Variants in GABRG1 observed in about 807,000 individuals in gnomAD.
GABRG1 encodes the protein gamma-aminobutyric acid receptor subunit gamma-1.
A neutral mutation model predicts 49.8 loss-of-function variants in GABRG1; 49 were observed. The ratio of observed to expected loss-of-function variants is 0.98; its 90% CI spans 0.78 to 1.25. The LOEUF (loss-of-function observed/expected upper bound fraction) is 1.25. Among genes scored for constraint, GABRG1 ranks in the 50% most tolerant of loss-of-function variants. GABRG1 has a pLI of 0.00. For synonymous variants in GABRG1, 232 were observed against 185.1 expected (o/e 1.25, Z -2.06); for missense variants, 552 against 552.3 (o/e 1.00, Z 0.01).
At chr4:46,073,874 A>G (rs1341713779) in intron 3 of GABRG1, among the ~76,000 whole-genome samples, 1 of 152,152 alleles carries the variant, frequency 6.6e-6, no homozygotes, top group Non-Finnish European at 1.5e-5. Context: ...TTTTCAAAAT[A>G]TCTTACTGTA....
At chr4:46,053,139 C>CT (rs1001500302) in intron 7 of GABRG1, among the ~76,000 whole-genome samples, 55 of 151,086 alleles carry the variant, frequency 3.6e-4, no homozygotes, top group African/African-American at 1.2e-3. Flanking sequence ...AATTATTTGT[C>CT]TTTTTTTTAA....
intron 8 of GABRG1, among the ~76,000 whole-genome samples, chr4:46,050,959 A>G (rs909804237): frequency 6.6e-6 from 1 of 151,926 alleles, no homozygotes; most frequent in Non-Finnish European, 1.5e-5. Context: ...ATATAAGTTA[A>G]GGTAATTATA....
chr4:46,075,877 C>A (rs1431055971), intron 3 of GABRG1, among the ~76,000 whole-genome samples: 1 of 151,890 alleles, frequency 6.6e-6, no homozygotes, highest in African/African-American at 2.4e-5. Context: ...ACAAATATTT[C>A]CATTTATAAG....
chr4:46,099,284 G>A (rs1468255322), intron 1 of GABRG1, among the ~76,000 whole-genome samples: 2 of 151,644 alleles, frequency 1.3e-5, no homozygotes, highest in African/African-American at 4.8e-5. Context: ...TCACTACCAA[G>A]CAGTGGGTTT....
intron 2 of GABRG1, among the ~76,000 whole-genome samples, chr4:46,089,585 A>G (rs1719906788): frequency 6.6e-6 from 1 of 152,116 alleles, no homozygotes. Context: ...TAATCTGGAT[A>G]TTAAATTTTT....
chr4:46,077,554 A>G (rs1286908862), intron 3 of GABRG1, among the ~76,000 whole-genome samples: 2 of 151,932 alleles, frequency 1.3e-5, no homozygotes, highest in African/African-American at 4.8e-5. Context: ...TATGAAGAAC[A>G]TCTTTAGAAG....
chr4:46,111,088 C>A (rs1463092741), intron 1 of GABRG1, among the ~76,000 whole-genome samples: 1 of 150,902 alleles, frequency 6.6e-6, no homozygotes, highest in African/African-American at 2.4e-5. Context: ...TGATTCTATA[C>A]CAGGAAAATC....
chr4:46,063,383 A>G (rs1458127478), intron 5 of GABRG1, among the ~76,000 whole-genome samples: 1 of 152,112 alleles, frequency 6.6e-6, no homozygotes, highest in African/African-American at 2.4e-5. Flanking sequence ...CAACTATCTG[A>G]TCTTTGACAA....
At chr4:46,065,680 G>T in intron 3 of GABRG1, 96 bp from the exon 4 acceptor site, 1 of 646,166 alleles carries the variant, frequency 1.5e-6, no homozygotes, top group Non-Finnish European at 2.6e-6. Context: ...GTTTCTGCAA[G>T]TAACAGTTAA....
chr4:46,088,942 C>T lies in GABRG1; in HGVS notation c.254-4889G>A, dbSNP rs188459834. On this transcript the variant is annotated intron_variant, in intron 2 of 8. Coordinates refer to ENST00000295452, the MANE Select transcript of GABRG1 (RefSeq NM_173536.4). ...GCAGACTTGGCAACCTGCTCTTGCT[C>T]CCATACCTGATCAGGGAAAAGGAAA... Among the ~76,000 whole-genome samples, 6 of 151,878 alleles carry T rather than the reference C, an allele frequency of 4.0e-5. No homozygotes were observed. In the East Asian group the frequency reaches 1.2e-3, roughly 30 times the overall value.
intron 7 of GABRG1, among the ~76,000 whole-genome samples, chr4:46,053,461 C>T (rs993677): frequency 0.9 from 137,246 of 151,962 alleles, 62,181 homozygotes; most frequent in African/African-American, 0.98. Context: ...CTCCCACTAT[C>T]CCTTACAGCT....
At chr4:46,077,572 C>A (rs1216800981) in intron 3 of GABRG1, among the ~76,000 whole-genome samples, 2 of 151,768 alleles carry the variant, frequency 1.3e-5, no homozygotes, top group Admixed American at 6.6e-5. Flanking sequence ...AAGAAAATAG[C>A]ATTAGGATCA....
At chr4:46,072,526 G>A (rs531018684) in intron 3 of GABRG1, among the ~76,000 whole-genome samples, 3 of 152,176 alleles carry the variant, frequency 2.0e-5, no homozygotes, top group South Asian at 2.1e-4. Flanking sequence ...TCCATCTCAT[G>A]TTCTCTATGA....
At chr4:46,050,678 C>T (rs998577612) in intron 8 of GABRG1, among the ~76,000 whole-genome samples, 1 of 151,674 alleles carries the variant, frequency 6.6e-6, no homozygotes, top group African/African-American at 2.4e-5. Flanking sequence ...GCTCTGGCAC[C>T]AAAAAGGATC....
At chr4:46,105,630 A>G (rs1331824019) in intron 1 of GABRG1, among the ~76,000 whole-genome samples, 1 of 151,464 alleles carries the variant, frequency 6.6e-6, no homozygotes, top group Non-Finnish European at 1.5e-5. Flanking sequence ...TTCACCTGTA[A>G]CTGTATTTAT....
At chr4:46,064,626 T>C (rs191132561) in intron 4 of GABRG1, 103 bp from the exon 5 acceptor site, 4 of 499,192 alleles carry the variant, frequency 8.0e-6, no homozygotes, top group Non-Finnish European at 1.4e-5. Context: ...TGATAATAGA[T>C]TGTGACCTAT....
chr4:46,105,297 A>G (rs548397537), intron 1 of GABRG1, among the ~76,000 whole-genome samples: 24 of 151,620 alleles, frequency 1.6e-4, no homozygotes, highest in Admixed American at 5.9e-4. Context: ...GAAAAAGAAA[A>G]AAAGAAAACG....
chr4:46,121,059 G>A (rs1010993007), intron 1 of GABRG1, among the ~76,000 whole-genome samples: 1 of 151,688 alleles, frequency 6.6e-6, no homozygotes, highest in African/African-American at 2.4e-5. Flanking sequence ...TACAATGATA[G>A]GATAGGTTTT....
intron 2 of GABRG1, among the ~76,000 whole-genome samples, chr4:46,089,527 C>T (rs1316378415): frequency 6.6e-6 from 1 of 152,106 alleles, no homozygotes; most frequent in Non-Finnish European, 1.5e-5. Flanking sequence ...CCCACAGTGT[C>T]ACCCTAGTGG....
Sources: allele counts gnomAD v4.1 joint callset (sites outside exome capture counted in the v4.1 genomes callset), GRCh38; gene constraint gnomAD v4.1.1; transcripts MANE v1.5; gene names NCBI Gene and HGNC (gene_info 2026-07-23, HGNC 2026-07-21).